GLYR1: variants seen among roughly 807,000 people sequenced by gnomAD.
The protein encoded by GLYR1 is cytokine-like nuclear factor N-PAC.
A neutral mutation model predicts 72.7 loss-of-function variants in GLYR1; 21 were observed. That is an observed-to-expected ratio of 0.29 (90% CI 0.20 to 0.42). The LOEUF (loss-of-function observed/expected upper bound fraction) is 0.42. Ranked by LOEUF, GLYR1 falls within the 10% of genes least tolerant of loss-of-function variation. The probability of loss-of-function intolerance (pLI) is 1.00; values close to 1 mark genes in which losing one functional copy is unlikely to be tolerated. For synonymous variants in GLYR1, 392 were observed against 270.2 expected (o/e 1.45, Z -4.42); for missense variants, 594 against 712.1 (o/e 0.83, Z 1.89).
At chr16:4,842,254 AAAC>A (rs2085617013) in intron 3 of GLYR1, among the ~76,000 whole-genome samples, 1 of 150,082 alleles carries the variant, frequency 6.7e-6, no homozygotes, top group African/African-American at 2.5e-5. Flanking sequence ...AAAAAAAAAA[AAAC>A]AACAACAAAA....
chr16:4,804,288 G>GT lies in GLYR1; in HGVS notation c.*947dup, dbSNP rs1265210103. The GT allele has an allele frequency of 6.6e-6, 1 of 152,574 alleles. No homozygotes were observed. Among genetic ancestry groups the GT allele is most frequent in the Non-Finnish European group, 1.5e-5 (1 of 68,082 alleles). 9.5% of individuals were successfully genotyped at this position (152,574 alleles called of 1,614,324 possible). A position where few individuals can be genotyped will look rare whatever the true frequency, so the allele number is the denominator to read the frequency against. On this transcript the variant is annotated 3_prime_UTR_variant, in exon 16 of 16. Transcript: ENST00000321919. ...GTGGGACCACTGGGAGGGGACCGAG[G>GT]TAAGAGTGGCTCTTCAGAGCCAGGT...
chr16:4,847,021 T>G (rs949580091), intron 1 of GLYR1: 3 of 563,898 alleles, frequency 5.3e-6, no homozygotes, highest in Non-Finnish European at 9.3e-6. Context: ...TCAAAGCCGG[T>G]GCCCGACGTG....
At chr16:4,839,293 A>G (rs985469567) in intron 3 of GLYR1, 1 of 152,320 alleles carries the variant, frequency 6.6e-6, no homozygotes, top group African/African-American at 2.4e-5. Flanking sequence ...GGGTCTTGCC[A>G]TGTTACCCAG....
chr16:4,844,950 G>A (rs529958827), intron 3 of GLYR1, 124 bp downstream of exon 3: 5 of 682,418 alleles, frequency 7.3e-6, no homozygotes, highest in African/African-American at 7.1e-5. Flanking sequence ...GGCAGAATGA[G>A]ATGCCAGTAT....
At chr16:4,841,887 C>G (rs543390074) in intron 3 of GLYR1, among the ~76,000 whole-genome samples, 23 of 152,336 alleles carry the variant, frequency 1.5e-4, no homozygotes, top group African/African-American at 5.5e-4. Context: ...TCCCCACTGT[C>G]TGAAATGCCC....
At chr16:4,831,915 G>A in intron 5 of GLYR1, 64 bp downstream of exon 5, 1 of 1,566,892 alleles carries the variant, frequency 6.4e-7, no homozygotes, top group Non-Finnish European at 8.6e-7. Context: ...ATACTGTAGA[G>A]CTTAACTCTA....
chr16:4,815,789 AT>A (rs879945379), intron 10 of GLYR1, among the ~76,000 whole-genome samples: 87 of 146,522 alleles, frequency 5.9e-4, no homozygotes, highest in Admixed American at 6.8e-4. Flanking sequence ...CAACTGTTTC[AT>A]TTTTTTTTTT....
At position 4,807,813 on chromosome 16, in the gene GLYR1, C is replaced by T. The variant is rs116382474; in HGVS notation, c.1588-2503G>A. On this transcript the variant is annotated intron_variant, in intron 15 of 15. Transcript: ENST00000321919. ...CAAAAAAGACTTATAAAATACACAACGAATTCTACTATCCAGAGAGAATCC... is the reference window on the plus strand; with the variant it reads ...CAAAAAAGACTTATAAAATACACAATGAATTCTACTATCCAGAGAGAATCC... 7.8e-3 allele frequency among the ~76,000 whole-genome samples: 1,192 copies of T among 152,240 alleles called. 22 individuals are homozygous for T. Among genetic ancestry groups the T allele is most frequent in the African/African-American group, 0.028 (1,146 of 41,540 alleles).
At chr16:4,826,227 A>AT (rs1217650141) in intron 5 of GLYR1, among the ~76,000 whole-genome samples, 2 of 151,970 alleles carry the variant, frequency 1.3e-5, no homozygotes, top group East Asian at 3.9e-4. Context: ...TTTTATTTTT[A>AT]TTTTTTGTAG....
intron 1 of GLYR1, chr16:4,846,796 C>T (rs777345146): frequency 3.5e-5 from 9 of 256,136 alleles, no homozygotes; most frequent in Non-Finnish European, 6.9e-5. Flanking sequence ...CTGAGCCGGC[C>T]GCACAGGTCG....
chr16:4,814,831 A>G (rs1460291908), intron 10 of GLYR1, among the ~76,000 whole-genome samples, 184 bp from the exon 11 acceptor site: 1 of 152,206 alleles, frequency 6.6e-6, no homozygotes, highest in African/African-American at 2.4e-5. Flanking sequence ...TTTACTGGCC[A>G]TCTTCAGTTT....
chr16:4,817,737 G>T (rs745747810), intron 9 of GLYR1, 40 bp from the exon 10 acceptor site: 2 of 1,222,684 alleles, frequency 1.6e-6, no homozygotes, highest in Non-Finnish European at 2.4e-6. Context: ...GGTGGAAAGG[G>T]AGGGTCACGG....
chr16:4,803,773 C>T lies in GLYR1; in HGVS notation c.*1463G>A, dbSNP rs568684371. On this transcript the variant is annotated 3_prime_UTR_variant, in exon 16 of 16. Coordinates refer to ENST00000321919, the MANE Select transcript of GLYR1 (RefSeq NM_032569.4). Reference sequence around the variant, plus strand: ...CAAAGCTGTGAGGGGGGAAGGACCCCGCCCTAGTGTGGCCACCCTATATAT... The same window carrying T: ...CAAAGCTGTGAGGGGGGAAGGACCCTGCCCTAGTGTGGCCACCCTATATAT... The T allele has an allele frequency of 2.6e-5, 4 of 152,206 alleles. No individual in the cohort carries two copies. The highest frequency in any genetic ancestry group is 6.5e-5 in the Admixed American group (1 of 15,278). The allele number at this position is 152,206 out of a possible 1,614,324, so 9.4% of individuals were successfully genotyped here. A position where few individuals can be genotyped will look rare whatever the true frequency, so the allele number is the denominator to read the frequency against.
intron 4 of GLYR1, 39 bp downstream of exon 4, chr16:4,832,735 A>C: frequency 1.3e-6 from 2 of 1,565,442 alleles, no homozygotes; most frequent in Non-Finnish European, 1.7e-6. Flanking sequence ...AAAAATCACC[A>C]GTCTGGCATT....
intron 15 of GLYR1, among the ~76,000 whole-genome samples, chr16:4,810,880 G>A (rs1377812686): frequency 6.6e-6 from 1 of 151,630 alleles, no homozygotes; most frequent in Admixed American, 6.6e-5. Context: ...AGAGGCGGGT[G>A]GATCACCTGA....
chr16:4,832,630 G>A (rs78726117), intron 4 of GLYR1, 144 bp downstream of exon 4: 10,246 of 1,000,992 alleles, frequency 0.01, 86 homozygotes, highest in Middle Eastern at 0.018. Flanking sequence ...TAAGCAAAAC[G>A]CTGACACCTT....
In GLYR1 at chr16:4,804,793, C is replaced by G. The variant is rs2082874593; in HGVS notation, c.*443G>C. On this transcript the variant is annotated 3_prime_UTR_variant, in exon 16 of 16. Transcript: ENST00000321919. ...GGGACATGACTACAGCCTCTTCGCT[C>G]TGGGGGAAGCTGTGGGAAGGCTTCC... 1 of 200,558 alleles carries G rather than the reference C, an allele frequency of 5.0e-6. No homozygotes were observed. Among genetic ancestry groups the G allele is most frequent in the South Asian group, 9.6e-5 (1 of 10,366 alleles). The allele number at this position is 200,558 out of a possible 1,614,324, so 12.4% of individuals were successfully genotyped here.
rs529789623 is a variant in GLYR1 at position 4,826,707 on chromosome 16, A to T, written c.538-2800T>A. On this transcript the variant is annotated intron_variant, in intron 5 of 15. Transcript: ENST00000321919. ...GCGTGTACTCCATCTGCACTGTGTG[A>T]TAGAGCAGGCGCCAGTCAAGCGTCA... Among the ~76,000 whole-genome samples, 468 of 152,336 alleles carry T rather than the reference A, an allele frequency of 3.1e-3. 2 individuals carry two copies. Among genetic ancestry groups the T allele is most frequent in the South Asian group, 6.4e-3 (31 of 4,830 alleles).
In GLYR1 at chr16:4,846,223, C is replaced by T. The variant is rs1489321031; in HGVS notation, c.39-13G>A. The T allele has an allele frequency of 8.1e-6, 13 of 1,613,692 alleles. No homozygotes were observed. The highest frequency in any genetic ancestry group is 1.7e-5 in the Admixed American group (1 of 60,002). ...GCCGAGTTTCCCCCTAGAGAAAACA[C>T]AAAGAGTCAACACTTGCCCTGCAAA... is the stretch of plus-strand genomic sequence containing the variant. On this transcript the variant is annotated splice_polypyrimidine_tract_variant and intron_variant, in intron 1 of 15. Transcript: ENST00000321919.
Sources: gnomAD v4.1 joint callset for allele counts (sites outside exome capture counted in the v4.1 genomes callset) on GRCh38, gnomAD v4.1.1 for gene constraint, MANE v1.5 for transcripts, NCBI Gene and HGNC (gene_info 2026-07-23, HGNC 2026-07-21) for gene names.